SORCS3: variants seen among roughly 807,000 people sequenced by gnomAD.
The protein encoded by SORCS3 is sortilin related VPS10 domain containing receptor 3, also known as VPS10 domain-containing receptor SorCS3.
A neutral mutation model predicts 146.3 loss-of-function variants in SORCS3; 57 were observed. The observed-to-expected ratio is 0.39, with a 90% confidence interval of 0.31 to 0.49. The LOEUF is 0.49. SORCS3 is among the 20% of genes least tolerant of loss of function. The probability of loss-of-function intolerance (pLI) is 0.92; values close to 1 mark genes in which losing one functional copy is unlikely to be tolerated. For synonymous variants in SORCS3, 653 were observed against 618.5 expected (o/e 1.06, Z -0.83); for missense variants, 1,341 against 1,575.5 (o/e 0.85, Z 2.52).
chr10:104,659,111 A>G (rs1438479699), intron 1 of SORCS3, among the ~76,000 whole-genome samples: 1 of 152,214 alleles, frequency 6.6e-6, no homozygotes, highest in Non-Finnish European at 1.5e-5. Flanking sequence ...GAAGTTGCTC[A>G]TACTCATGTT....
At chr10:104,726,421 A>G (rs1382350609) in intron 1 of SORCS3, among the ~76,000 whole-genome samples, 2 of 152,154 alleles carry the variant, frequency 1.3e-5, no homozygotes, top group South Asian at 4.1e-4. Context: ...ACCTGGATTA[A>G]TGCTGTAGGC....
intron 1 of SORCS3, among the ~76,000 whole-genome samples, chr10:104,646,663 T>G (rs2015498958): frequency 6.6e-6 from 1 of 152,194 alleles, no homozygotes; most frequent in South Asian, 2.1e-4. Context: ...CTTTCTGCCT[T>G]CTTTTGGCCT....
At chr10:104,765,972 A>G (rs1348081844) in intron 1 of SORCS3, among the ~76,000 whole-genome samples, 1 of 152,194 alleles carries the variant, frequency 6.6e-6, no homozygotes, top group East Asian at 1.9e-4. Context: ...ACATCTTGGT[A>G]TCCACAGCTA....
Position 105,238,355 on chromosome 10 carries a change from G to A in SORCS3, c.2869-7187G>A, listed in dbSNP as rs932828554. Among the ~76,000 whole-genome samples the A allele has an allele frequency of 2.0e-5, 3 of 152,176 alleles. No individual in the cohort carries two copies. In the South Asian group the frequency reaches 6.2e-4, roughly 32 times the overall value. ...AATAGATAAAAGCAGGTATGCAATA[G>A]GAATGTAAAATTACTGGCTAAGTCA... On this transcript the variant is annotated intron_variant, in intron 20 of 26. Coordinates refer to ENST00000369701, the MANE Select transcript of SORCS3 (RefSeq NM_014978.3).
At chr10:105,121,543 C>A (rs953982198) in intron 7 of SORCS3, among the ~76,000 whole-genome samples, 4 of 152,042 alleles carry the variant, frequency 2.6e-5, no homozygotes, top group African/African-American at 9.7e-5. Context: ...ATTGGTATTC[C>A]CAGATACTTT....
At chr10:105,083,545 C>T (rs572198066) in intron 5 of SORCS3, among the ~76,000 whole-genome samples, 9 of 152,146 alleles carry the variant, frequency 5.9e-5, no homozygotes, top group Admixed American at 2.0e-4. Flanking sequence ...CACGGACCCT[C>T]TTACACATGC....
intron 2 of SORCS3, among the ~76,000 whole-genome samples, chr10:104,886,063 C>T (rs879423059): frequency 3.9e-5 from 6 of 152,110 alleles, no homozygotes; most frequent in Admixed American, 3.9e-4. Context: ...GTCTGAGACA[C>T]CCTGCTGCTA....
intron 1 of SORCS3, among the ~76,000 whole-genome samples, chr10:104,685,515 T>A (rs2016033882): frequency 6.6e-6 from 1 of 152,206 alleles, no homozygotes. Flanking sequence ...CTCTAGCATA[T>A]CCTGACCTAG....
chr10:104,857,477 T>A (rs555763375), intron 2 of SORCS3, among the ~76,000 whole-genome samples: 1 of 152,184 alleles, frequency 6.6e-6, no homozygotes, highest in African/African-American at 2.4e-5. Context: ...CATTTATTCC[T>A]TAATTAATTT....
At chr10:105,148,491 A>G (rs916917880) in intron 9 of SORCS3, among the ~76,000 whole-genome samples, 3 of 152,190 alleles carry the variant, frequency 2.0e-5, no homozygotes, top group Non-Finnish European at 4.4e-5. Flanking sequence ...TAGTGACAGT[A>G]TGTGACCTTT....
At chr10:104,831,349 G>T (rs1423291501) in intron 1 of SORCS3, among the ~76,000 whole-genome samples, 2 of 152,190 alleles carry the variant, frequency 1.3e-5, no homozygotes, top group African/African-American at 4.8e-5. Context: ...TAGGAGAAAA[G>T]AGAGTAACTT....
intron 2 of SORCS3, among the ~76,000 whole-genome samples, chr10:104,858,702 A>G (rs911379175): frequency 2.0e-5 from 3 of 150,874 alleles, no homozygotes; most frequent in Non-Finnish European, 4.4e-5. Context: ...GCTCACTGAA[A>G]GCTCTGCCTC....
intron 16 of SORCS3, among the ~76,000 whole-genome samples, chr10:105,202,479 C>A (rs181281209): frequency 5.1e-4 from 77 of 152,266 alleles, no homozygotes; most frequent in African/African-American, 1.8e-3. Flanking sequence ...ATCAGCTTCT[C>A]AGAAATGCCT....
intron 4 of SORCS3, among the ~76,000 whole-genome samples, chr10:105,016,156 T>TATATATATATATATATATATA (rs1554868994): frequency 1.5e-4 from 11 of 74,832 alleles, no homozygotes; most frequent in African/African-American, 2.5e-4. Flanking sequence ...TATATATATA[T>TATATATATATATATATATATA]TTTTTTTTTT....
At chr10:105,119,403 C>T (rs988044679) in intron 7 of SORCS3, among the ~76,000 whole-genome samples, 14 of 152,132 alleles carry the variant, frequency 9.2e-5, no homozygotes, top group South Asian at 4.1e-4. Context: ...ATGTGGGGTG[C>T]GAGCCTCCAC....
At chr10:105,237,958 G>A (rs1413153162) in intron 20 of SORCS3, among the ~76,000 whole-genome samples, 11 of 152,136 alleles carry the variant, frequency 7.2e-5, no homozygotes, top group Non-Finnish European at 1.5e-5. Flanking sequence ...GAGTGAATTG[G>A]CATCCTGCTT....
At chr10:104,788,019 T>G (rs2017457694) in intron 1 of SORCS3, among the ~76,000 whole-genome samples, 1 of 152,152 alleles carries the variant, frequency 6.6e-6, no homozygotes. Context: ...CAGGAGAGAT[T>G]TATTATTCTT....
chr10:104,916,823 G>T (rs1211410133), intron 3 of SORCS3, among the ~76,000 whole-genome samples: 1 of 152,014 alleles, frequency 6.6e-6, no homozygotes, highest in Non-Finnish European at 1.5e-5. Flanking sequence ...ATTCCCCCGT[G>T]GTTTTGCCAG....
intron 1 of SORCS3, among the ~76,000 whole-genome samples, chr10:104,793,420 T>C (rs1330875709): frequency 6.6e-6 from 1 of 152,116 alleles, no homozygotes; most frequent in East Asian, 1.9e-4. Flanking sequence ...AATTTGACAA[T>C]ATGTGTCTTA....
Sources: allele counts gnomAD v4.1 joint callset (sites outside exome capture counted in the v4.1 genomes callset), GRCh38; gene constraint gnomAD v4.1.1; transcripts MANE v1.5; gene names NCBI Gene and HGNC (gene_info 2026-07-23, HGNC 2026-07-21).